SINHCAF: variants seen among roughly 807,000 people sequenced by gnomAD.
SINHCAF encodes SIN3-HDAC complex-associated factor.
A neutral mutation model predicts 25.8 loss-of-function variants in SINHCAF; 3 were observed. The ratio of observed to expected loss-of-function variants is 0.12; its 90% CI spans 0.05 to 0.30. The LOEUF (loss-of-function observed/expected upper bound fraction) is 0.30. Ranked by LOEUF, SINHCAF falls within the 10% of genes least tolerant of loss-of-function variation. The probability of loss-of-function intolerance (pLI) is 1.00; values close to 1 mark genes in which losing one functional copy is unlikely to be tolerated. For missense variants in SINHCAF, 121 were observed against 262.3 expected, an observed-to-expected ratio of 0.46 and a Z score of 3.72; for synonymous variants, 70 against 85.5, an observed-to-expected ratio of 0.82 and a Z score of 1.00.
intron 4 of SINHCAF, among the ~76,000 whole-genome samples, chr12:31,291,198 G>A (rs1359498775): frequency 6.6e-6 from 1 of 152,142 alleles, no homozygotes; most frequent in Non-Finnish European, 1.5e-5. Context: ...CACTTTCTAG[G>A]AATTCTCAAC....
At chr12:31,306,491 C>G (rs115611220) in intron 1 of SINHCAF, among the ~76,000 whole-genome samples, 3,081 of 152,180 alleles carry the variant, frequency 0.02, 70 homozygotes, top group African/African-American at 0.053. Flanking sequence ...GTTCAGTTTG[C>G]GGGAAAAGTA....
At chr12:31,295,176 T>C (rs1938499562) in intron 3 of SINHCAF, 58 bp downstream of exon 3, 1 of 1,045,192 alleles carries the variant, frequency 9.6e-7, no homozygotes, top group South Asian at 1.4e-5. Flanking sequence ...TAGGGGGAAA[T>C]TAATGTTACT....
At chr12:31,286,913 G>A (rs1207978136) in intron 5 of SINHCAF, among the ~76,000 whole-genome samples, 2 of 150,570 alleles carry the variant, frequency 1.3e-5, no homozygotes, top group African/African-American at 4.9e-5. Flanking sequence ...ATTGTGGTTT[G>A]TTTGTTTGTT....
intron 2 of SINHCAF, chr12:31,297,077 C>A: frequency 5.0e-6 from 2 of 399,408 alleles, no homozygotes; most frequent in East Asian, 7.6e-5. Flanking sequence ...AGAATGATTT[C>A]CCATGTTAGA....
At chr12:31,303,055 A>G (rs1938872604) in intron 1 of SINHCAF, 5 of 985,282 alleles carry the variant, frequency 5.1e-6, no homozygotes, top group South Asian at 9.4e-5. Flanking sequence ...TGAAATAGAA[A>G]AAAAAAATCA....
intron 4 of SINHCAF, among the ~76,000 whole-genome samples, chr12:31,288,648 G>A (rs1938178207): frequency 6.6e-6 from 1 of 152,024 alleles, no homozygotes; most frequent in African/African-American, 2.4e-5. Context: ...ATAGGGTGGT[G>A]AGGCCCCTCC....
chr12:31,316,284 T>G (rs1286329079), intron 1 of SINHCAF, among the ~76,000 whole-genome samples: 1 of 152,048 alleles, frequency 6.6e-6, no homozygotes, highest in Non-Finnish European at 1.5e-5. Flanking sequence ...AAAAGCAATT[T>G]AAAAAGATAA....
chr12:31,317,344 CA>C (rs75157226), intron 1 of SINHCAF, among the ~76,000 whole-genome samples: 10,396 of 147,074 alleles, frequency 0.071, 893 homozygotes, highest in East Asian at 0.27. Context: ...TCTTTAAAAA[CA>C]AAAAAAAAAC....
intron 1 of SINHCAF, among the ~76,000 whole-genome samples, chr12:31,299,598 G>A (rs1254447094): frequency 4.6e-5 from 7 of 152,138 alleles, no homozygotes; most frequent in Admixed American, 3.9e-4. Context: ...TTACAGGCGT[G>A]AGCCACCGTG....
At position 31,323,947 on chromosome 12, in the gene SINHCAF, C is replaced by A. The variant is rs78044110; in HGVS notation, c.-21+2077G>T. The A allele has an allele frequency of 8.5e-3, 3,865 of 455,876 alleles. 52 individuals are homozygous for A. Among genetic ancestry groups the A allele is most frequent in the East Asian group, 0.036 (514 of 14,358 alleles). The allele number at this position is 455,876 out of a possible 1,614,324, so 28.2% of individuals were successfully genotyped here. Reference sequence around the variant, plus strand: ...CCCAGGGCCCTCGGGTCCCCACCTTCCGTAAATCGTGCTTCCCCCTCGGGC... The same window carrying A: ...CCCAGGGCCCTCGGGTCCCCACCTTACGTAAATCGTGCTTCCCCCTCGGGC... On this transcript the variant is annotated intron_variant, in intron 1 of 5. Coordinates refer to ENST00000337682, the MANE Select transcript of SINHCAF (RefSeq NM_001135812.2).
rs1289645216 is a variant in SINHCAF, at chr12:31,325,355, G to A, written c.-21+669C>T. The A allele has an allele frequency of 7.3e-6, 3 of 409,902 alleles. No individual in the cohort carries two copies. The highest frequency in any genetic ancestry group is 5.3e-5 in the Admixed American group (2 of 37,622). The allele number at this position is 409,902 out of a possible 1,614,324, so 25.4% of individuals were successfully genotyped here. On this transcript the variant is annotated intron_variant, in intron 1 of 5. Coordinates refer to ENST00000337682, the MANE Select transcript of SINHCAF (RefSeq NM_001135812.2). The surrounding 1 kb of genome is among the most constrained non-coding windows in gnomAD (Gnocchi z 5.9). ...GCGTGTTGCTCTCATTGTCGCATCC[G>A]CATCCCTCCGGAGTTGAGCAAACAA...
chr12:31,297,403 A>G (rs1267537155), intron 2 of SINHCAF, among the ~76,000 whole-genome samples: 1 of 146,176 alleles, frequency 6.8e-6, no homozygotes, highest in African/African-American at 2.6e-5. Flanking sequence ...CAAGTGACCC[A>G]CCTGCCTCAG....
At position 31,285,149 on chromosome 12, in the gene SINHCAF, A is replaced by G. The variant is rs543758079; in HGVS notation, c.507-2278T>C. 7.9e-5 allele frequency among the ~76,000 whole-genome samples: 12 copies of G among 152,276 alleles called. No homozygotes were observed. In the South Asian group the frequency reaches 2.5e-3, roughly 32 times the overall value. On this transcript the variant is annotated intron_variant, in intron 5 of 5. Transcript: ENST00000337682. ...ATGCCTGTAATCCCAGCACTTTGGG[A>G]GGCCAAGGCGAGCAGATCACCTGAG...
chr12:31,324,619 G>T lies in SINHCAF; in HGVS notation c.-21+1405C>A, dbSNP rs1360089329. 3.9e-6 allele frequency: 1 copy of T among 256,396 alleles called. No homozygotes were observed. Among genetic ancestry groups the T allele is most frequent in the East Asian group, 1.2e-4 (1 of 8,556 alleles). 15.9% of individuals were successfully genotyped at this position (256,396 alleles called of 1,614,324 possible). On this transcript the variant is annotated intron_variant, in intron 1 of 5. Coordinates refer to ENST00000337682, the MANE Select transcript of SINHCAF (RefSeq NM_001135812.2). The surrounding 1 kb of genome is among the most constrained non-coding windows in gnomAD (Gnocchi z 5.5). ...GGCCCTACGCCCAGGCGGCGGCCCC[G>T]AGCGCCGGGGGCCCGCACGGGCACA...
intron 3 of SINHCAF, among the ~76,000 whole-genome samples, chr12:31,294,274 GA>G (rs1423397395): frequency 6.6e-6 from 1 of 152,126 alleles, no homozygotes; most frequent in Non-Finnish European, 1.5e-5. Flanking sequence ...TGCAGTTTAC[GA>G]AAAGCTTTCA....
chr12:31,281,593 G>A lies in SINHCAF; in HGVS notation c.*1119C>T, dbSNP rs986093272. Reference sequence around the variant, plus strand: ...ACTCAGCAAGCCCTCTAAGAAATGTGCCCCAAGAAGCATTAACCTTTGTTT... The same window carrying A: ...ACTCAGCAAGCCCTCTAAGAAATGTACCCCAAGAAGCATTAACCTTTGTTT... On this transcript the variant is annotated 3_prime_UTR_variant, in exon 6 of 6. Coordinates refer to ENST00000337682, the MANE Select transcript of SINHCAF (RefSeq NM_001135812.2). The A allele has an allele frequency of 6.6e-6, 1 of 152,138 alleles. No homozygotes were observed. Among genetic ancestry groups the A allele is most frequent in the African/African-American group, 2.4e-5 (1 of 41,440 alleles). The allele number at this position is 152,138 out of a possible 1,614,324, so 9.4% of individuals were successfully genotyped here.
In SINHCAF at chr12:31,292,657, CTTA is replaced by C. The variant is rs758468544; in HGVS notation, c.355+1145_355+1147del. Among the ~76,000 whole-genome samples the C allele has an allele frequency of 9.2e-5, 14 of 152,138 alleles. 1 individual carries two copies. The East Asian group carries it at 1.7e-3, about 19-fold the overall frequency. On this transcript the variant is annotated intron_variant, in intron 4 of 5. Transcript: ENST00000337682. ...TCCTAAATATTTTACATCTCTACCA[CTTA>C]TTAAGTGGCCCAGATCAAGTTTAAA...
chr12:31,287,059 G>C (rs1197729502), intron 5 of SINHCAF, among the ~76,000 whole-genome samples: 3 of 152,114 alleles, frequency 2.0e-5, no homozygotes, highest in African/African-American at 2.4e-5. Flanking sequence ...TAGGATTACA[G>C]GTGTGAGCCA....
intron 2 of SINHCAF, among the ~76,000 whole-genome samples, chr12:31,296,079 C>T (rs1049717713): frequency 6.6e-6 from 1 of 151,820 alleles, no homozygotes; most frequent in Non-Finnish European, 1.5e-5. Flanking sequence ...GAGTAAAACT[C>T]AAGACCTAAA....
Sources: gnomAD v4.1 joint callset for allele counts (sites outside exome capture counted in the v4.1 genomes callset) on GRCh38, gnomAD v4.1.1 for gene constraint, Gnocchi (gnomAD v3.1) non-coding constraint, MANE v1.5 for transcripts, NCBI Gene and HGNC (gene_info 2026-07-23, HGNC 2026-07-21) for gene names.